The following ROBO2 variants were observed in gnomAD, a reference collection of about 807,000 sequenced individuals.
ROBO2 encodes roundabout guidance receptor 2, also known as roundabout homolog 2.
A neutral mutation model predicts 160.8 loss-of-function variants in ROBO2; 53 were observed. The observed-to-expected ratio is 0.33, with a 90% CI of 0.26 to 0.41. The LOEUF is 0.41. ROBO2 is among the 10% of genes least tolerant of loss of function. ROBO2 has a pLI of 1.00. For missense variants in ROBO2, 1,577 were observed against 1,722.4 expected (o/e 0.92, Z 1.49); for synonymous variants, 664 against 611.7 (o/e 1.09, Z -1.26).
chr3:77,104,451 T>C (rs957607638), intron 2 of ROBO2, among the ~76,000 whole-genome samples: 2 of 152,180 alleles, frequency 1.3e-5, no homozygotes, highest in Non-Finnish European at 2.9e-5. Flanking sequence ...CATAACCACT[T>C]TTTATTTATC....
At chr3:77,343,729 TAATGATA>T (rs2067320215) in intron 2 of ROBO2, among the ~76,000 whole-genome samples, 1 of 152,144 alleles carries the variant, frequency 6.6e-6, no homozygotes, top group Non-Finnish European at 1.5e-5. Context: ...GACTTCTCAA[TAATGATA>T]GCATCTGATC....
chr3:77,262,749 C>G (rs1193867845), intron 2 of ROBO2, among the ~76,000 whole-genome samples: 1 of 152,112 alleles, frequency 6.6e-6, no homozygotes, highest in Non-Finnish European at 1.5e-5. Flanking sequence ...GGTCATTTAG[C>G]ATCATAAATT....
At chr3:76,909,136 A>G (rs1203830943) in intron 2 of ROBO2, among the ~76,000 whole-genome samples, 2 of 152,126 alleles carry the variant, frequency 1.3e-5, no homozygotes, top group African/African-American at 4.8e-5. Context: ...CTAAGGCAGG[A>G]GCATTGCCTT....
chr3:76,180,098 G>A (rs1701434110), intron 2 of ROBO2, among the ~76,000 whole-genome samples: 1 of 152,072 alleles, frequency 6.6e-6, no homozygotes. Context: ...TATCCTTCAA[G>A]ATTCAGATCA....
At chr3:76,761,878 A>G (rs1402447510) in intron 2 of ROBO2, among the ~76,000 whole-genome samples, 1 of 151,730 alleles carries the variant, frequency 6.6e-6, no homozygotes, top group Non-Finnish European at 1.5e-5. Flanking sequence ...ATTTGTAAGA[A>G]TTGAGGTATT....
chr3:76,244,676 G>C (rs926384507), intron 2 of ROBO2, among the ~76,000 whole-genome samples: 1 of 152,164 alleles, frequency 6.6e-6, no homozygotes, highest in Non-Finnish European at 1.5e-5. Flanking sequence ...TATTGGACTG[G>C]ACGTCAGGAG....
chr3:76,167,363 T>G (rs1455308765), intron 2 of ROBO2, among the ~76,000 whole-genome samples: 1 of 152,198 alleles, frequency 6.6e-6, no homozygotes, highest in Admixed American at 6.5e-5. Context: ...GTTTGGACTA[T>G]TCAGCTCCTC....
chr3:77,590,889 C>A (rs2153684884), intron 17 of ROBO2, among the ~76,000 whole-genome samples: 1 of 152,042 alleles, frequency 6.6e-6, no homozygotes, highest in East Asian at 1.9e-4. Context: ...TTTCCTGTTA[C>A]AATTTTTTAT....
intron 2 of ROBO2, among the ~76,000 whole-genome samples, chr3:76,078,177 G>C (rs1371600058): frequency 6.6e-6 from 1 of 152,074 alleles, no homozygotes; most frequent in Admixed American, 6.5e-5. Flanking sequence ...TTCATTATTG[G>C]TTGTGAGGTA....
At chr3:76,785,010 G>T (rs1022681481) in intron 2 of ROBO2, among the ~76,000 whole-genome samples, 1 of 151,120 alleles carries the variant, frequency 6.6e-6, no homozygotes. Context: ...GTTGTACTTT[G>T]GGACCTCTTT....
chr3:77,320,173 T>A (rs2153430508), intron 2 of ROBO2, among the ~76,000 whole-genome samples: 1 of 152,302 alleles, frequency 6.6e-6, no homozygotes, highest in African/African-American at 2.4e-5. Flanking sequence ...GTGGGGATCA[T>A]TTTCTTTCTC....
chr3:77,000,747 T>G (rs575014582), intron 2 of ROBO2, among the ~76,000 whole-genome samples: 1 of 152,238 alleles, frequency 6.6e-6, no homozygotes, highest in African/African-American at 2.4e-5. Flanking sequence ...TTATTTTGAA[T>G]ATAAGAAAGT....
chr3:77,308,428 G>T (rs1223372602), intron 2 of ROBO2, among the ~76,000 whole-genome samples: 1 of 152,094 alleles, frequency 6.6e-6, no homozygotes, highest in Non-Finnish European at 1.5e-5. Flanking sequence ...GTGGGAGAAA[G>T]AACCTAGACT....
intron 2 of ROBO2, among the ~76,000 whole-genome samples, chr3:76,991,023 C>T (rs2060637486): frequency 6.6e-6 from 1 of 152,174 alleles, no homozygotes; most frequent in Admixed American, 6.5e-5. Context: ...GTCAGAAGGT[C>T]AAACTGGTCA....
chr3:76,752,033 G>A (rs1576419340), intron 2 of ROBO2, among the ~76,000 whole-genome samples: 1 of 152,058 alleles, frequency 6.6e-6, no homozygotes, highest in Admixed American at 6.6e-5. Context: ...CAAAGACTTG[G>A]AACCAACCCA....
rs558932805 is a variant in ROBO2, at chr3:77,181,517, A to C, written c.388+83177A>C. Among the ~76,000 whole-genome samples, 11 of 152,230 alleles carry C rather than the reference A, an allele frequency of 7.2e-5. No homozygotes were observed. The South Asian group carries it at 2.3e-3, about 32-fold the overall frequency. On this transcript the variant is annotated intron_variant, in intron 2 of 25. Transcript: ENST00000461745. ...AATTTTAAGCATGGAAAATTAAAGA[A>C]AATCAAGAGATAAGTATAATAGCTA...
chr3:76,771,598 T>C (rs2061910257), intron 2 of ROBO2, among the ~76,000 whole-genome samples: 2 of 151,376 alleles, frequency 1.3e-5, no homozygotes, highest in South Asian at 4.1e-4. Flanking sequence ...TAAGTCAAAC[T>C]TAAAGCTAAT....
intron 2 of ROBO2, among the ~76,000 whole-genome samples, chr3:77,148,274 T>A (rs959618465): frequency 3.3e-5 from 5 of 152,210 alleles, no homozygotes; most frequent in African/African-American, 1.2e-4. Flanking sequence ...TTCATTCCTA[T>A]CGATTAAAGG....
intron 2 of ROBO2, among the ~76,000 whole-genome samples, chr3:77,290,905 A>G (rs987722145): frequency 2.4e-5 from 2 of 84,398 alleles, no homozygotes; most frequent in East Asian, 4.2e-4. Flanking sequence ...CTGAGGCTAG[A>G]TCACCCCAGA....
Sources: allele counts gnomAD v4.1 joint callset (sites outside exome capture counted in the v4.1 genomes callset), GRCh38; gene constraint gnomAD v4.1.1; transcripts MANE v1.5; gene names NCBI Gene and HGNC (gene_info 2026-07-23, HGNC 2026-07-21).